The following VPS54 variants were observed in gnomAD, a reference collection of about 807,000 sequenced individuals.
The protein encoded by VPS54 is VPS54 subunit of GARP complex.
VPS54 carries 45 observed loss-of-function variants against 121.5 expected under a neutral mutation model. The ratio of observed to expected loss-of-function variants is 0.37; its 90% CI spans 0.29 to 0.47. The LOEUF is 0.47. VPS54 is among the 20% of genes least tolerant of loss of function. The pLI is 0.99. For missense variants in VPS54, 1,090 were observed against 1,131.4 expected, an observed-to-expected ratio of 0.96 and a Z score of 0.52; for synonymous variants, 371 against 385.8, an observed-to-expected ratio of 0.96 and a Z score of 0.45.
chr2:63,971,829 C>T (rs1357254300), intron 4 of VPS54, among the ~76,000 whole-genome samples: 1 of 152,158 alleles, frequency 6.6e-6, no homozygotes, highest in Admixed American at 6.5e-5. Flanking sequence ...TGTTCTCAAA[C>T]TCATAGGCTC....
In VPS54 at chr2:63,972,146, TA is replaced by T; in HGVS notation, c.457+19del. The T allele has an allele frequency of 6.8e-7, 1 of 1,468,626 alleles. No individual in the cohort carries two copies. The highest frequency in any genetic ancestry group is 9.2e-7 in the Non-Finnish European group (1 of 1,081,452). 91.0% of individuals were successfully genotyped at this position (1,468,626 alleles called of 1,614,324 possible). ...TATTTATGCTATGCTTTATTATCTA[TA>T]AATAACACATATTCATACCATGAGT... On this transcript the variant is annotated intron_variant, in intron 4 of 22. Coordinates refer to ENST00000272322, the MANE Select transcript of VPS54 (RefSeq NM_016516.3).
At chr2:63,927,359 CCAGA>C (rs1673956959) in intron 12 of VPS54, among the ~76,000 whole-genome samples, 2 of 152,118 alleles carry the variant, frequency 1.3e-5, no homozygotes, top group South Asian at 4.1e-4. Context: ...CTGGTGATAC[CCAGA>C]CAAACAGGGT....
rs1672587719 is a variant in VPS54, at chr2:63,899,559, G to A, written c.2648C>T (p.Pro883Leu). 2 of 1,613,488 alleles carry A rather than the reference G, an allele frequency of 1.2e-6. No individual in the cohort carries two copies. Among genetic ancestry groups the A allele is most frequent in the Non-Finnish European group, 1.7e-6 (2 of 1,179,904 alleles). ...ACAAATATTCCTGAAACAGGCAGAA[G>A]GAACAGGAGCCTTCACTTCATACTG... ...LSKYEVKAPV[P>L]SACFRNICKQ... is the part of the protein sequence containing the mutation. Residue 883 changes from proline (P) to leucine (L), a missense_variant, in exon 21 of 23, where the codon CCT becomes CTT. Pro to Leu is a moderately conservative substitution (Grantham distance 98). Coordinates refer to ENST00000272322, the MANE Select transcript of VPS54 (RefSeq NM_016516.3).
chr2:63,903,564 G>A (rs1048201839), intron 20 of VPS54, among the ~76,000 whole-genome samples: 38 of 152,036 alleles, frequency 2.5e-4, no homozygotes, highest in Admixed American at 2.4e-3. Context: ...AGCAAAAACA[G>A]TGGCAAGGTA....
chr2:63,952,334 T>C (rs1237936982), intron 7 of VPS54, among the ~76,000 whole-genome samples: 2 of 152,322 alleles, frequency 1.3e-5, no homozygotes, highest in Non-Finnish European at 2.9e-5. Flanking sequence ...AAGAGTCCAA[T>C]GGAAAATATG....
Position 63,929,803 on chromosome 2 carries a change from A to G in VPS54, c.1739+3870T>C, listed in dbSNP as rs538129399. Among the ~76,000 whole-genome samples the G allele has an allele frequency of 2.0e-5, 3 of 152,268 alleles. No homozygotes were observed. In the South Asian group the frequency reaches 6.2e-4, roughly 32 times the overall value. ...ATAAGAAGAGAAAGAAAAATCAAAT[A>G]GACACAATAAAAAATGATAAAGGGG... On this transcript the variant is annotated intron_variant, in intron 12 of 22. Transcript: ENST00000272322.
chr2:63,901,474 GT>G (rs768960673), intron 20 of VPS54, among the ~76,000 whole-genome samples: 2 of 152,226 alleles, frequency 1.3e-5, no homozygotes, highest in Non-Finnish European at 2.9e-5. Context: ...TCATGCACAA[GT>G]TTTACTTCAC....
chr2:63,950,949 T>G (rs544635459), intron 7 of VPS54, among the ~76,000 whole-genome samples: 6 of 152,296 alleles, frequency 3.9e-5, no homozygotes, highest in South Asian at 4.1e-4. Context: ...AAGCCAAACC[T>G]CTAAAATTAT....
At chr2:64,001,492 G>A (rs1172824295) in intron 1 of VPS54, among the ~76,000 whole-genome samples, 2 of 152,144 alleles carry the variant, frequency 1.3e-5, no homozygotes, top group Non-Finnish European at 2.9e-5. Flanking sequence ...CCTGAAGCCA[G>A]CATGTCTGAG....
chr2:63,978,622 CTTTT>C (rs1181159275), intron 3 of VPS54, among the ~76,000 whole-genome samples: 1 of 151,920 alleles, frequency 6.6e-6, no homozygotes, highest in Admixed American at 6.6e-5. Flanking sequence ...TTTTCTATTT[CTTTT>C]TGTTTTGTTT....
intron 7 of VPS54, among the ~76,000 whole-genome samples, chr2:63,957,702 A>G (rs1675567485): frequency 6.6e-6 from 1 of 152,178 alleles, no homozygotes; most frequent in Non-Finnish European, 1.5e-5. Context: ...AGACAGGAAG[A>G]TGTGTTAGTT....
At chr2:63,986,673 G>T (rs919738184) in intron 1 of VPS54, among the ~76,000 whole-genome samples, 2 of 152,148 alleles carry the variant, frequency 1.3e-5, no homozygotes, top group Non-Finnish European at 2.9e-5. Context: ...CCTCCAAACT[G>T]CTCTCCACGG....
At chr2:63,965,529 T>C (rs1237122022) in intron 6 of VPS54, among the ~76,000 whole-genome samples, 1 of 152,182 alleles carries the variant, frequency 6.6e-6, no homozygotes, top group Non-Finnish European at 1.5e-5. Context: ...ATAAAATATC[T>C]GGGACAAATG....
At chr2:63,928,526 G>T (rs1037221705) in intron 12 of VPS54, among the ~76,000 whole-genome samples, 1 of 152,086 alleles carries the variant, frequency 6.6e-6, no homozygotes, top group African/African-American at 2.4e-5. Context: ...ACATGGAAAG[G>T]AACAACTGGT....
At chr2:63,910,208 A>G (rs535480040) in intron 20 of VPS54, among the ~76,000 whole-genome samples, 6 of 152,348 alleles carry the variant, frequency 3.9e-5, no homozygotes, top group African/African-American at 1.4e-4. Flanking sequence ...GAAAGCAAAC[A>G]GAATAGGGAG....
intron 1 of VPS54, among the ~76,000 whole-genome samples, chr2:64,006,273 G>A (rs971846672): frequency 6.6e-6 from 1 of 152,070 alleles, no homozygotes. Flanking sequence ...TACCTCAAAA[G>A]GTTCACATAC....
At position 63,933,856 on chromosome 2, in the gene VPS54, C is replaced by T. The variant is rs140558435; in HGVS notation, c.1556G>A (p.Ser519Asn). Residue 519 changes from serine (S) to asparagine (N), a missense_variant, in exon 12 of 23, where the codon AGT becomes AAT. Physicochemically the swap from Ser to Asn is conservative, Grantham distance 46. Around this residue, in one of 2 missense-constraint regions of VPS54, gnomAD observed 801 missense variants for 757.0 expected, o/e 1.06. Transcript: ENST00000272322. ...TAGCTCACCCTCACCGAATGCATCA[C>T]TTATAAACATGCCTTCATGGATTAA... ...AYLIHEGMFI[S>N]DAFGEGELTP... 107 of 1,613,744 alleles carry T rather than the reference C, an allele frequency of 6.6e-5. 2 individuals are homozygous for T. In the Admixed American group the frequency reaches 1.0e-3, roughly 15 times the overall value.
At chr2:63,972,272 A>T (rs757825776) in intron 3 of VPS54, 28 bp from the exon 4 acceptor site, 1 of 1,503,486 alleles carries the variant, frequency 6.7e-7, no homozygotes, top group Admixed American at 1.7e-5. Flanking sequence ...AACATCATCA[A>T]TGTATGTGTA....
chr2:64,010,337 T>C (rs958365186), intron 1 of VPS54, among the ~76,000 whole-genome samples: 3 of 152,104 alleles, frequency 2.0e-5, no homozygotes, highest in African/African-American at 7.2e-5. Flanking sequence ...AACAAAAAAA[T>C]CTCAAATTTC....
Sources: allele counts gnomAD v4.1 joint callset (sites outside exome capture counted in the v4.1 genomes callset), GRCh38; gene constraint gnomAD v4.1.1; regional missense constraint gnomAD v4.1.1; transcripts MANE v1.5; gene names NCBI Gene and HGNC (gene_info 2026-07-23, HGNC 2026-07-21).